Variants in EED observed in about 807,000 individuals in gnomAD.
EED encodes the protein embryonic ectoderm development, also known as polycomb protein EED.
A neutral mutation model predicts 61.0 loss-of-function variants in EED; 9 were observed. The observed-to-expected ratio is 0.15, with a 90% confidence interval of 0.09 to 0.26. The LOEUF is 0.26. Among genes scored for constraint, EED ranks in the 10% least tolerant of loss-of-function variants. EED has a pLI of 1.00. For missense variants in EED, 315 were observed against 542.3 expected (o/e 0.58, Z 4.16); for synonymous variants, 187 against 174.4 (o/e 1.07, Z -0.57).
downstream of EED, among the ~76,000 whole-genome samples, chr11:86,281,671 T>G (rs74920204): frequency 6.6e-6 from 1 of 152,130 alleles, no homozygotes; most frequent in African/African-American, 2.4e-5. Context: ...GTCGGGGTCT[T>G]GCTATGTTGT....
chr11:86,274,427 G>T (rs1345024260), intron 9 of EED, among the ~76,000 whole-genome samples: 1 of 152,046 alleles, frequency 6.6e-6, no homozygotes, highest in Non-Finnish European at 1.5e-5. Flanking sequence ...AGTGATTTTT[G>T]ATTGAAACCT....
At chr11:86,286,108 G>A in the EED span, among the ~76,000 whole-genome samples, 2 of 152,024 alleles carry the variant, frequency 1.3e-5, no homozygotes, top group South Asian at 4.1e-4. Context: ...TCGGCTCACT[G>A]CAGCCTCCAC....
At chr11:86,256,862 G>A (rs1945688170) in intron 5 of EED, among the ~76,000 whole-genome samples, 2 of 152,090 alleles carry the variant, frequency 1.3e-5, no homozygotes, top group Admixed American at 1.3e-4. Context: ...ACCTTGTAAC[G>A]AACATAAAGG....
At chr11:86,280,596 G>A (rs1814105784), downstream of EED, among the ~76,000 whole-genome samples, 1 of 152,142 alleles carries the variant, frequency 6.6e-6, no homozygotes, top group Non-Finnish European at 1.5e-5. Context: ...GGTCTTAGAA[G>A]TTGTATCAGG....
At chr11:86,260,982 C>G (rs187910674) in intron 6 of EED, among the ~76,000 whole-genome samples, 1 of 151,102 alleles carries the variant, frequency 6.6e-6, no homozygotes, top group Non-Finnish European at 1.5e-5. Context: ...CATGACCTAA[C>G]GCTTCTCATT....
chr11:86,286,692 G>A, the EED span, among the ~76,000 whole-genome samples: 1 of 151,966 alleles, frequency 6.6e-6, no homozygotes, highest in Admixed American at 6.6e-5. Context: ...GACTATACAG[G>A]CCAGGTGCGG....
At chr11:86,286,220 TA>T in the EED span, among the ~76,000 whole-genome samples, 1 of 151,638 alleles carries the variant, frequency 6.6e-6, no homozygotes, top group South Asian at 2.1e-4. Flanking sequence ...TTGGTATCGT[TA>T]GTAGAGACGG....
intron 10 of EED, 160 bp downstream of exon 10, chr11:86,277,298 G>A: frequency 1.7e-6 from 1 of 602,136 alleles, no homozygotes; most frequent in Non-Finnish European, 2.6e-6. Context: ...AAATACTTTG[G>A]TGTTATTCAT....
intron 9 of EED, among the ~76,000 whole-genome samples, chr11:86,271,888 AT>A (rs1257549450): frequency 6.8e-6 from 1 of 146,472 alleles, no homozygotes; most frequent in Admixed American, 6.8e-5. Context: ...GTTTGCTAAT[AT>A]TTTGTTAAGG....
At chr11:86,265,828 T>A (rs1002653142) in intron 7 of EED, 5 of 240,344 alleles carry the variant, frequency 2.1e-5, no homozygotes, top group Middle Eastern at 1.3e-3. Context: ...ATTGAATAGA[T>A]AAAACTAAGT....
At chr11:86,253,882 T>C (rs747085302) in intron 3 of EED, among the ~76,000 whole-genome samples, 4 of 151,792 alleles carry the variant, frequency 2.6e-5, no homozygotes, top group Admixed American at 2.0e-4. Context: ...ACCCTGTCTC[T>C]ACTAAAAACA....
At chr11:86,250,917 A>AT (rs1039658572) in intron 2 of EED, among the ~76,000 whole-genome samples, 1 of 152,068 alleles carries the variant, frequency 6.6e-6, no homozygotes, top group Non-Finnish European at 1.5e-5. Flanking sequence ...GGTGTAAAAA[A>AT]TTTTTAAACT....
In EED at chr11:86,272,835, T is replaced by C. The variant is rs142897335; in HGVS notation, c.967-4145T>C. On this transcript the variant is annotated intron_variant, in intron 9 of 11. Transcript: ENST00000263360. Reference sequence around the variant, plus strand: ...TTCTGCCTATGTCTTTTAATTGGTGTATTTAGACCATTTATATTTAAGCTT... The same window carrying C: ...TTCTGCCTATGTCTTTTAATTGGTGCATTTAGACCATTTATATTTAAGCTT... Among the ~76,000 whole-genome samples, 755 of 152,350 alleles carry C rather than the reference T, an allele frequency of 5.0e-3. 5 individuals are homozygous for C. Among genetic ancestry groups the C allele is most frequent in the Non-Finnish European group, 8.1e-3 (549 of 68,032 alleles).
At chr11:86,274,237 A>G (rs1420718378) in intron 9 of EED, among the ~76,000 whole-genome samples, 6 of 151,494 alleles carry the variant, frequency 4.0e-5, no homozygotes, top group African/African-American at 1.5e-4. Flanking sequence ...TATTTTAGTT[A>G]TAAAACTTCC....
chr11:86,266,203 A>G lies in EED; in HGVS notation c.847A>G (p.Asn283Asp). 6.3e-7 allele frequency: 1 copy of G among 1,595,884 alleles called. No individual in the cohort carries two copies. The highest frequency in any genetic ancestry group is 8.6e-7 in the Non-Finnish European group (1 of 1,168,532). The change falls in exon 8 of 12, where the codon AAT becomes GAT. Residue 283 changes from asparagine (N) to aspartate (D), a missense_variant. Physicochemically the swap from Asn to Asp is conservative, Grantham distance 23. This residue lies in a region of EED where 205 missense variants were observed against 455.4 expected (regional missense o/e 0.45). Transcript: ENST00000263360. ...TAAGGAATCTTATGATTATAATCCA[A>G]ATAAAACTAACAGGTAACAGTTGTG... ...AIKESYDYNPNKTNRPFISQK... is the reference protein window; with the variant it reads ...AIKESYDYNPDKTNRPFISQK...
chr11:86,249,381 GA>G (rs34097493), intron 1 of EED, among the ~76,000 whole-genome samples: 3,020 of 125,488 alleles, frequency 0.024, 88 homozygotes, highest in African/African-American at 0.077. Flanking sequence ...GCATTTCATG[GA>G]AAAAAAAAAA....
rs372417544 is a variant in EED at position 86,277,000 on chromosome 11, G to A, written c.987G>A (p.Val329=). ...TTTAGTCTTGTGAAAATGCCATTGT[G>A]TGCTGGAAACCTGGCAAGATGGAAG... The part of the protein sequence containing the change: ...ILSKSCENAI[V]CWKPGKMEDD... Residue 329 remains valine (V), a synonymous_variant, in exon 10 of 12, where the codon GTG becomes GTA. Transcript: ENST00000263360. 6.6e-7 allele frequency: 1 copy of A among 1,520,954 alleles called. No homozygotes were observed. Among genetic ancestry groups the A allele is most frequent in the Non-Finnish European group, 8.9e-7 (1 of 1,120,816 alleles). The allele number at this position is 1,520,954 out of a possible 1,614,324, so 94.2% of individuals were successfully genotyped here.
rs1945363239 is a variant in EED at position 86,245,279 on chromosome 11, C to T, written c.50C>T (p.Ala17Val). ...GCGCCGGCGGGAACAGACATGCCTG[C>T]GGCCAAGAAGCAGAAGCTGAGCAGT... ...STAPAGTDMP[A>V]AKKQKLSSDE... The change falls in exon 1 of 12, where the codon GCG becomes GTG. Residue 17 changes from alanine to valine, a missense_variant. This residue lies in a region of EED where 110 missense variants were observed against 86.9 expected (regional missense o/e 1.27). Coordinates refer to ENST00000263360, the MANE Select transcript of EED (RefSeq NM_003797.5). 1.2e-6 allele frequency: 2 copies of T among 1,613,378 alleles called. No individual in the cohort carries two copies. The highest frequency in any genetic ancestry group is 1.7e-6 in the Non-Finnish European group (2 of 1,179,924).
At chr11:86,270,673 A>G (rs1946093870) in intron 9 of EED, among the ~76,000 whole-genome samples, 1 of 152,116 alleles carries the variant, frequency 6.6e-6, no homozygotes, top group African/African-American at 2.4e-5. Flanking sequence ...TAAATGTGTA[A>G]TCCATTTTGA....
Sources: allele counts gnomAD v4.1 joint callset (sites outside exome capture counted in the v4.1 genomes callset), GRCh38; gene constraint gnomAD v4.1.1; regional missense constraint gnomAD v4.1.1; transcripts MANE v1.5; gene names NCBI Gene and HGNC (gene_info 2026-07-23, HGNC 2026-07-21).